Variants in PLEKHA7 observed in about 807,000 individuals in gnomAD.
The protein encoded by PLEKHA7 is pleckstrin homology domain containing A7, also known as pleckstrin homology domain-containing family A member 7.
PLEKHA7 carries 104 observed loss-of-function variants against 170.0 expected under a neutral mutation model. The observed-to-expected ratio is 0.61, with a 90% CI of 0.52 to 0.72. The LOEUF (loss-of-function observed/expected upper bound fraction) is 0.72. Among genes scored for constraint, PLEKHA7 ranks in the 30% least tolerant of loss-of-function variants. The pLI, the probability that PLEKHA7 is intolerant of heterozygous loss-of-function variation, is 0.00. For missense variants in PLEKHA7, 1,615 were observed against 1,671.7 expected, an observed-to-expected ratio of 0.97 and a Z score of 0.59; for synonymous variants, 648 against 660.8, an observed-to-expected ratio of 0.98 and a Z score of 0.30.
chr11:17,002,621 T>C (rs1316308111), intron 3 of PLEKHA7, among the ~76,000 whole-genome samples: 1 of 152,162 alleles, frequency 6.6e-6, no homozygotes, highest in Non-Finnish European at 1.5e-5. Flanking sequence ...AATCAAAATA[T>C]CTGCCTCTAC....
At chr11:16,783,323 G>A (rs1258930752) in intron 25 of PLEKHA7, among the ~76,000 whole-genome samples, 1 of 152,202 alleles carries the variant, frequency 6.6e-6, no homozygotes, top group Non-Finnish European at 1.5e-5. Flanking sequence ...GCTCTGATCC[G>A]CTGGTCTGCA....
intron 12 of PLEKHA7, among the ~76,000 whole-genome samples, chr11:16,815,756 T>A (rs1296304175): frequency 6.6e-6 from 1 of 152,070 alleles, no homozygotes; most frequent in Non-Finnish European, 1.5e-5. Context: ...CCTCAAATGA[T>A]CCACCCACCT....
intron 3 of PLEKHA7, among the ~76,000 whole-genome samples, chr11:16,896,782 C>A (rs886517618): frequency 2.0e-5 from 3 of 152,224 alleles, no homozygotes; most frequent in Non-Finnish European, 2.9e-5. Flanking sequence ...TCACCACCCC[C>A]ACATGGATAC....
At chr11:16,920,399 T>G (rs1254179110) in intron 3 of PLEKHA7, among the ~76,000 whole-genome samples, 1 of 152,128 alleles carries the variant, frequency 6.6e-6, no homozygotes, top group Non-Finnish European at 1.5e-5. Flanking sequence ...AACAAGCAAA[T>G]AGCAAATCTC....
intron 9 of PLEKHA7, among the ~76,000 whole-genome samples, chr11:16,830,672 T>C (rs1269405130): frequency 6.6e-6 from 1 of 152,216 alleles, no homozygotes; most frequent in African/African-American, 2.4e-5. Flanking sequence ...TGGATTTTTC[T>C]TCCTTCCCTA....
chr11:16,863,626 G>A (rs1013733361), intron 4 of PLEKHA7, among the ~76,000 whole-genome samples: 2 of 152,120 alleles, frequency 1.3e-5, no homozygotes, highest in African/African-American at 2.4e-5. Flanking sequence ...GTCACTGCTC[G>A]GGAACGCTTC....
intron 3 of PLEKHA7, among the ~76,000 whole-genome samples, chr11:16,993,073 C>T (rs561955257): frequency 3.2e-4 from 49 of 152,232 alleles, no homozygotes; most frequent in African/African-American, 1.2e-3. Flanking sequence ...ATAGCCAAGG[C>T]GTCAGGGAGA....
At chr11:16,990,694 G>A (rs1400533955) in intron 3 of PLEKHA7, among the ~76,000 whole-genome samples, 1 of 152,190 alleles carries the variant, frequency 6.6e-6, no homozygotes, top group Admixed American at 6.5e-5. Context: ...AGGTAGTCCT[G>A]GGCATTACCA....
intron 3 of PLEKHA7, among the ~76,000 whole-genome samples, chr11:16,971,593 G>A (rs1243782390): frequency 6.6e-6 from 1 of 152,102 alleles, no homozygotes; most frequent in Non-Finnish European, 1.5e-5. Flanking sequence ...CAGGTGCCAG[G>A]GACATATCCA....
intron 3 of PLEKHA7, among the ~76,000 whole-genome samples, chr11:16,878,405 A>G (rs924055019): frequency 6.6e-6 from 1 of 152,198 alleles, no homozygotes; most frequent in Admixed American, 6.5e-5. Flanking sequence ...CACACAGAGT[A>G]AAAAATAAGC....
chr11:16,979,314 C>T (rs987816674), intron 3 of PLEKHA7, among the ~76,000 whole-genome samples: 3 of 152,206 alleles, frequency 2.0e-5, no homozygotes, highest in African/African-American at 4.8e-5. Flanking sequence ...AGGCATGAGC[C>T]ACCGCATCCA....
At chr11:16,853,761 G>C (rs1419949655) in intron 6 of PLEKHA7, among the ~76,000 whole-genome samples, 1 of 152,176 alleles carries the variant, frequency 6.6e-6, no homozygotes, top group Non-Finnish European at 1.5e-5. Flanking sequence ...GGCTGTGAGG[G>C]GCAAGTGGGC....
chr11:16,858,265 G>A (rs1045962472), intron 4 of PLEKHA7, among the ~76,000 whole-genome samples: 1 of 152,124 alleles, frequency 6.6e-6, no homozygotes, highest in Non-Finnish European at 1.5e-5. Context: ...AATTATATAT[G>A]TGACTTCACA....
At chr11:16,834,714 A>T (rs1488996527) in intron 9 of PLEKHA7, among the ~76,000 whole-genome samples, 29 of 152,190 alleles carry the variant, frequency 1.9e-4, no homozygotes, top group Non-Finnish European at 2.9e-5. Flanking sequence ...CTTAGACAAG[A>T]CAGAAAAGGC....
At chr11:17,012,590 T>C (rs1865383792) in intron 3 of PLEKHA7, among the ~76,000 whole-genome samples, 1 of 152,182 alleles carries the variant, frequency 6.6e-6, no homozygotes, top group East Asian at 1.9e-4. Flanking sequence ...CGATCTGATA[T>C]TATTATTTGT....
chr11:16,974,556 T>A (rs563684352), intron 3 of PLEKHA7: 1 of 368,258 alleles, frequency 2.7e-6, no homozygotes, highest in East Asian at 8.4e-5. Flanking sequence ...AATAGTGCAA[T>A]TGTCAAAAAC....
chr11:17,006,341 A>G (rs570076427), intron 3 of PLEKHA7, among the ~76,000 whole-genome samples: 32 of 151,556 alleles, frequency 2.1e-4, no homozygotes, highest in African/African-American at 7.3e-4. Context: ...AAAAAAAAAA[A>G]AACGTCCAGG....
At chr11:16,892,619 C>CTGTT (rs1856732825) in intron 3 of PLEKHA7, among the ~76,000 whole-genome samples, 1 of 82,414 alleles carries the variant, frequency 1.2e-5, no homozygotes, top group Admixed American at 1.6e-4. Context: ...CTTCCAGCTT[C>CTGTT]TTTTTTTTTT....
At chr11:16,940,647 T>C (rs1357203796) in intron 3 of PLEKHA7, among the ~76,000 whole-genome samples, 1 of 152,180 alleles carries the variant, frequency 6.6e-6, no homozygotes, top group Admixed American at 6.5e-5. Flanking sequence ...GCTCAAGAAA[T>C]GGTTCCTTTA....
Sources: gnomAD v4.1 joint callset for allele counts (sites outside exome capture counted in the v4.1 genomes callset) on GRCh38, gnomAD v4.1.1 for gene constraint, MANE v1.5 for transcripts, NCBI Gene and HGNC (gene_info 2026-07-23, HGNC 2026-07-21) for gene names.